PSMB10: variants seen among roughly 807,000 people sequenced by gnomAD.
PSMB10 encodes proteasome subunit beta type-10.
A neutral mutation model predicts 29.8 loss-of-function variants in PSMB10; 29 were observed. That is an observed-to-expected ratio of 0.97 (90% CI 0.73 to 1.33). The LOEUF (loss-of-function observed/expected upper bound fraction) is 1.33. Among genes scored for constraint, PSMB10 ranks in the 40% most tolerant of loss-of-function variants. The probability of loss-of-function intolerance (pLI) is 0.00; values close to 1 mark genes in which losing one functional copy is unlikely to be tolerated. For synonymous variants in PSMB10, 157 were observed against 164.7 expected, an observed-to-expected ratio of 0.95 and a Z score of 0.36; for missense variants, 327 against 369.2, an observed-to-expected ratio of 0.89 and a Z score of 0.94.
At position 67,935,667 on chromosome 16, in the gene PSMB10, G is replaced by A. The variant is rs907619781; in HGVS notation, c.414C>T (p.Ile138=). Residue 138 remains isoleucine, a synonymous_variant, in exon 5 of 8, where the codon ATC becomes ATT. Coordinates refer to ENST00000358514, the MANE Select transcript of PSMB10 (RefSeq NM_002801.4). ...GTCCAGTCAGGTCTACGCCGCCCAC[G>A]ATCAGCGATGCACCCACGTGGCCCT... is the stretch of plus-strand genomic sequence containing the variant. The part of the protein sequence containing the change: ...RYQGHVGASL[I]VGGVDLTGPQ... The A allele has an allele frequency of 1.2e-6, 2 of 1,613,980 alleles. No individual in the cohort carries two copies. The highest frequency in any genetic ancestry group is 2.2e-5 in the East Asian group (1 of 44,890).
In PSMB10 at chr16:67,936,483, T is replaced by C. The variant is rs2151318659; in HGVS notation, c.59A>G (p.Asn20Ser). ...GGFSFENCQR[N>S]ASLERVLPGL... ...CGGGAGGACGCGTTCCAATGATGCA[T>C]TTCTGGAAACGGAGGAGGGCGCCCA... is the stretch of plus-strand genomic sequence containing the variant. The change falls in exon 2 of 8, where the codon AAT becomes AGT. Residue 20 changes from asparagine (N) to serine (S), a missense_variant and splice_region_variant. By Grantham distance (46) the Asn-to-Ser change is conservative. Transcript: ENST00000358514. The C allele has an allele frequency of 1.2e-6, 2 of 1,612,782 alleles. No individual in the cohort carries two copies. Among genetic ancestry groups the C allele is most frequent in the Non-Finnish European group, 1.7e-6 (2 of 1,179,574 alleles).
chr16:67,935,716 G>A lies in PSMB10; in HGVS notation c.384-19C>T, dbSNP rs1386168934. 1.9e-6 allele frequency: 3 copies of A among 1,611,304 alleles called. No individual in the cohort carries two copies. In the African/African-American group the frequency reaches 4.0e-5, roughly 22 times the overall value. ...CTGGTACCTGCTCGAGGATGGGCGG[G>A]GTCGGCCACAAGCTGGGGCCTAGGC... On this transcript the variant is annotated intron_variant, in intron 4 of 7. Coordinates refer to ENST00000358514, the MANE Select transcript of PSMB10 (RefSeq NM_002801.4).
At chr16:67,935,927 A>C (rs923044203) in intron 4 of PSMB10, 36 bp downstream of exon 4, 1 of 1,588,478 alleles carries the variant, frequency 6.3e-7, no homozygotes, top group Non-Finnish European at 8.6e-7. Flanking sequence ...CCCCGTAACT[A>C]CCCCTGCCGG....
intron 6 of PSMB10, 109 bp downstream of exon 6, chr16:67,935,311 T>A: frequency 1.5e-6 from 2 of 1,374,828 alleles, no homozygotes; most frequent in Admixed American, 1.9e-5. Flanking sequence ...AGTGGTCACC[T>A]CCTCCGACAA....
At chr16:67,935,920 C>G (rs1309668730) in intron 4 of PSMB10, 43 bp downstream of exon 4, 12 of 1,587,554 alleles carry the variant, frequency 7.6e-6, no homozygotes, top group South Asian at 1.1e-5. Context: ...GCCCCAACCC[C>G]GTAACTACCC....
In PSMB10 at chr16:67,936,701, A is replaced by G. The variant is rs2058265804; in HGVS notation, c.49T>C (p.Cys17Arg). 1 of 1,554,510 alleles carries G rather than the reference A, an allele frequency of 6.4e-7. No individual in the cohort carries two copies. Among genetic ancestry groups the G allele is most frequent in the Non-Finnish European group, 8.7e-7 (1 of 1,148,854 alleles). Residue 17 changes from cysteine to arginine, a missense_variant, in exon 1 of 8, where the codon TGC (cysteine) becomes CGC (arginine). Physicochemically the swap from Cys to Arg is radical, Grantham distance 180. Transcript: ENST00000358514. ...EPRGGFSFEN[C>R]QRNASLERVL... ...CCCGCGCCCCCGCTTCACCTTTGGC[A>G]GTTCTCGAAGGAGAAGCCCCCTCGG...
rs372222842 is a variant in PSMB10, at chr16:67,934,663, C to T, written c.719G>A (p.Arg240His). ...SPTEPVKRSG[R>H]YHFVPGTTAV... is the part of the protein sequence containing the mutation. ...TGTGGTTCCAGGCACAAAGTGGTAG[C>T]GGCCAGACCTGGGAGGGAGGAGGGA... Residue 240 changes from arginine (R) to histidine (H), a missense_variant, in exon 8 of 8, where the codon CGC (arginine) becomes CAC (histidine). By Grantham distance (29) the Arg-to-His change is conservative. Transcript: ENST00000358514. This position sits in a 1 kb window ranked among gnomAD's most constrained non-coding sequence, Gnocchi z 4.3. The T allele has an allele frequency of 9.3e-6, 15 of 1,613,950 alleles. No individual in the cohort carries two copies. Among genetic ancestry groups the T allele is most frequent in the South Asian group, 2.2e-5 (2 of 91,092 alleles).
In PSMB10 at chr16:67,936,434, G is replaced by T. The variant is rs778177489; in HGVS notation, c.108C>A (p.Arg36=). ...VLPGLKVPHA[R]KTGTTIAGLV... The stretch of plus-strand genomic sequence containing the variant: ...GGCCCGCGATGGTGGTCCCGGTCTT[G>T]CGTGCGTGAGGGACCTTGAGCCCCG... Residue 36 remains arginine (R), a synonymous_variant, in exon 2 of 8, where the codon CGC becomes CGA. Transcript: ENST00000358514. 1.9e-6 allele frequency: 3 copies of T among 1,613,564 alleles called. No homozygotes were observed. Among genetic ancestry groups the T allele is most frequent in the South Asian group, 1.1e-5 (1 of 91,056 alleles).
chr16:67,935,221 TC>T (rs1439365693), intron 6 of PSMB10, 198 bp downstream of exon 6: 6 of 739,234 alleles, frequency 8.1e-6, no homozygotes, highest in African/African-American at 1.8e-5. Flanking sequence ...AGCTTCGACT[TC>T]TCCCAGCCGT....
chr16:67,934,606 G>A lies in PSMB10; in HGVS notation c.776C>T (p.Thr259Ile), dbSNP rs2058255423. ...CACAGTTTCCTCCACTAGCTCCAGGGTTAGTGGCTTCACTGTCTGGGTCAG... is the reference window on the plus strand; with the variant it reads ...CACAGTTTCCTCCACTAGCTCCAGGATTAGTGGCTTCACTGTCTGGGTCAG... Reference protein sequence around the residue: ...AVLTQTVKPLTLELVEETVQA... With the variant: ...AVLTQTVKPLILELVEETVQA... Residue 259 changes from threonine (T) to isoleucine (I), a missense_variant, in exon 8 of 8, where the codon ACC (threonine) becomes ATC (isoleucine). Thr to Ile is a moderately conservative substitution (Grantham distance 89). Coordinates refer to ENST00000358514, the MANE Select transcript of PSMB10 (RefSeq NM_002801.4). The surrounding 1 kb of genome is among the most constrained non-coding windows in gnomAD (Gnocchi z 4.3). 6 of 1,614,156 alleles carry A rather than the reference G, an allele frequency of 3.7e-6. No homozygotes were observed. Among genetic ancestry groups the A allele is most frequent in the Non-Finnish European group, 5.1e-6 (6 of 1,180,022 alleles).
chr16:67,934,822 T>TCAGTGTC lies in PSMB10; in HGVS notation c.678_684dup (p.Ser229AspfsTer50). 6.2e-7 allele frequency: 1 copy of TCAGTGTC among 1,614,010 alleles called. No homozygotes were observed. Among genetic ancestry groups the TCAGTGTC allele is most frequent in the East Asian group, 2.2e-5 (1 of 44,882 alleles). On this transcript the variant is annotated frameshift_variant, in exon 7 of 8. Transcript: ENST00000358514. LOFTEE classifies it high-confidence loss of function. The surrounding 1 kb of genome is among the most constrained non-coding windows in gnomAD (Gnocchi z 4.3). ...CTCTTCACGGGCTCTGTGGGTGAGC[T>TCAGTGTC]CAGTGTCCGCAGCAGCTTGGCGCCA...
intron 3 of PSMB10, 31 bp downstream of exon 3, chr16:67,936,184 T>G (rs1351165084): frequency 6.2e-7 from 1 of 1,612,282 alleles, no homozygotes; most frequent in Admixed American, 1.7e-5. Flanking sequence ...CGTTCTTTTT[T>G]GCGTACGGGA....
Position 67,936,558 on chromosome 16 carries a change from C to G in PSMB10, c.57-73G>C. ...CCTGTTGCTTCCCCTAACCTGGTCC[C>G]CGTCTCCCTCATCTTCCGGGGTAAG... On this transcript the variant is annotated intron_variant, in intron 1 of 7. Transcript: ENST00000358514. 1.6e-5 allele frequency: 24 copies of G among 1,469,504 alleles called. No individual in the cohort carries two copies. The South Asian group carries it at 2.4e-4, about 15-fold the overall frequency. 91.0% of individuals were successfully genotyped at this position (1,469,504 alleles called of 1,614,324 possible). A position where few individuals can be genotyped will look rare whatever the true frequency, so the allele number is the denominator to read the frequency against.
At position 67,935,488 on chromosome 16, in the gene PSMB10, G is replaced by A; in HGVS notation, c.500-10C>T. Reference sequence around the variant, plus strand: ...GCGTCCTGACCAGAGCCTGAAGGCAGGAGAAGCATCTGAAGTCAACCGCTG... The same window carrying A: ...GCGTCCTGACCAGAGCCTGAAGGCAAGAGAAGCATCTGAAGTCAACCGCTG... On this transcript the variant is annotated splice_polypyrimidine_tract_variant and intron_variant, in intron 5 of 7. Transcript: ENST00000358514. 2 of 1,614,028 alleles carry A rather than the reference G, an allele frequency of 1.2e-6. No individual in the cohort carries two copies. Among genetic ancestry groups the A allele is most frequent in the Non-Finnish European group, 1.7e-6 (2 of 1,179,890 alleles).
Position 67,936,257 on chromosome 16 carries a change from T to C in PSMB10, c.200A>G (p.Asp67Gly). Residue 67 changes from aspartate (D) to glycine (G), a missense_variant, in exon 3 of 8, where the codon GAC becomes GGC. Physicochemically the swap from Asp to Gly is moderately conservative, Grantham distance 94 (BLOSUM62 -1). Transcript: ENST00000358514. ...TRATNDSVVA[D>G]KSCEKIHFIA... ...GAAGTGGATCTTCTCGCAGCTCTTGTCCGCCACGACCGAATCGTTAGTGGC... is the reference window on the plus strand; with the variant it reads ...GAAGTGGATCTTCTCGCAGCTCTTGCCCGCCACGACCGAATCGTTAGTGGC... 2 of 1,614,006 alleles carry C rather than the reference T, an allele frequency of 1.2e-6. No homozygotes were observed.
At chr16:67,935,552 A>G (rs1171978173) in intron 5 of PSMB10, 30 bp downstream of exon 5, 4 of 1,613,952 alleles carry the variant, frequency 2.5e-6, no homozygotes, top group Non-Finnish European at 3.4e-6. Flanking sequence ...ACAGGGGCAG[A>G]GTTCGAGGAG....
At chr16:67,935,343 C>T (rs1218518892) in intron 6 of PSMB10, 77 bp downstream of exon 6, 3 of 1,586,330 alleles carry the variant, frequency 1.9e-6, no homozygotes, top group South Asian at 2.2e-5. Context: ...CCGCACTGGG[C>T]CAGGGTCCTG....
At chr16:67,935,375 C>T (rs759368552) in intron 6 of PSMB10, 45 bp downstream of exon 6, 1 of 1,610,690 alleles carries the variant, frequency 6.2e-7, no homozygotes, top group South Asian at 1.1e-5. Flanking sequence ...CTCCCGGGTG[C>T]ACATCCCACC....
At position 67,936,785 on chromosome 16, in the gene PSMB10, G is replaced by A; in HGVS notation, c.-36C>T. 6 of 1,535,024 alleles carry A rather than the reference G, an allele frequency of 3.9e-6. No homozygotes were observed. In the South Asian group the frequency reaches 7.2e-5, roughly 18 times the overall value. On this transcript the variant is annotated 5_prime_UTR_variant, in exon 1 of 8. Coordinates refer to ENST00000358514, the MANE Select transcript of PSMB10 (RefSeq NM_002801.4). ...GCAGAGGGGATTAGGGGTCGCGGGC[G>A]GATGAGTCGGCCAGACAAGCGGGGC...
Sources: gnomAD v4.1 joint callset for allele counts on GRCh38, gnomAD v4.1.1 for gene constraint, Gnocchi (gnomAD v3.1) non-coding constraint, MANE v1.5 for transcripts, NCBI Gene and HGNC (gene_info 2026-07-23, HGNC 2026-07-21) for gene names.